Variants in SLC5A4 observed in about 807,000 individuals in gnomAD.
The protein encoded by SLC5A4 is probable glucose sensor protein SLC5A4.
A neutral mutation model predicts 70.3 loss-of-function variants in SLC5A4; 55 were observed. The observed-to-expected ratio is 0.78, with a 90% CI of 0.63 to 0.98. SLC5A4 has a LOEUF of 0.98. Among genes scored for constraint, SLC5A4 ranks in the 50% least tolerant of loss-of-function variants. SLC5A4 has a pLI of 0.00. For missense variants in SLC5A4, 735 were observed against 839.2 expected (o/e 0.88, Z 1.53); for synonymous variants, 268 against 305.7 (o/e 0.88, Z 1.29).
At chr22:32,272,869 C>G in the SLC5A4 span, 2 of 510,852 alleles carry the variant, frequency 3.9e-6, no homozygotes, top group South Asian at 3.0e-5. Flanking sequence ...CTACTGGAGG[C>G]TGCTGATGCT....
chr22:32,308,562 C>G, the SLC5A4 span, among the ~76,000 whole-genome samples: 1 of 152,226 alleles, frequency 6.6e-6, no homozygotes, highest in Admixed American at 6.5e-5. Context: ...CATCTCCTGG[C>G]CAAAGAAGCC....
chr22:32,331,780 C>CA, the SLC5A4 span, among the ~76,000 whole-genome samples: 21 of 152,068 alleles, frequency 1.4e-4, no homozygotes, highest in African/African-American at 4.1e-4. Context: ...GGCCAGATCC[C>CA]ATGCCCCTCG....
chr22:32,269,844 A>G, the SLC5A4 span: 1 of 634,810 alleles, frequency 1.6e-6, no homozygotes, highest in East Asian at 3.9e-5. This position sits in a 1 kb window ranked among gnomAD's most constrained non-coding sequence, Gnocchi z 4.1. Context: ...TCAGATCTAC[A>G]TGCTGACCCT....
At chr22:32,321,915 C>T in the SLC5A4 span, among the ~76,000 whole-genome samples, 1 of 152,182 alleles carries the variant, frequency 6.6e-6, no homozygotes. Flanking sequence ...GCACATAAAA[C>T]GTTGGGTCAA....
At chr22:32,344,332 C>T in the SLC5A4 span, among the ~76,000 whole-genome samples, 1 of 152,172 alleles carries the variant, frequency 6.6e-6, no homozygotes. Flanking sequence ...TATAAGAATA[C>T]ATACGCACAT....
the SLC5A4 span, among the ~76,000 whole-genome samples, chr22:32,320,443 T>C: frequency 6.6e-6 from 1 of 152,282 alleles, no homozygotes; most frequent in South Asian, 2.1e-4. Context: ...CAGCAGAAGA[T>C]TAGGATCAGT....
chr22:32,279,076 A>G, the SLC5A4 span, among the ~76,000 whole-genome samples: 1 of 152,238 alleles, frequency 6.6e-6, no homozygotes, highest in Non-Finnish European at 1.5e-5. Flanking sequence ...GGAGATGGAG[A>G]CCATCCTGGC....
At chr22:32,335,831 T>C in the SLC5A4 span, among the ~76,000 whole-genome samples, 23,949 of 151,954 alleles carry the variant, frequency 0.16, 2,314 homozygotes, top group East Asian at 0.47. Flanking sequence ...CTGGGACCCC[T>C]TAGAAGCTAC....
chr22:32,345,381 G>A, the SLC5A4 span, among the ~76,000 whole-genome samples: 5 of 152,022 alleles, frequency 3.3e-5, no homozygotes, highest in Admixed American at 1.3e-4. Flanking sequence ...GTTAGTCAGT[G>A]AATAAAAAGC....
chr22:32,312,515 A>C, the SLC5A4 span, among the ~76,000 whole-genome samples: 1 of 152,154 alleles, frequency 6.6e-6, no homozygotes, highest in East Asian at 1.9e-4. Flanking sequence ...GGAATCAGCC[A>C]GAGTTGCTTT....
intron 3 of SLC5A4, among the ~76,000 whole-genome samples, chr22:32,250,413 G>C (rs986142908): frequency 6.6e-6 from 1 of 152,134 alleles, no homozygotes; most frequent in Admixed American, 6.5e-5. Flanking sequence ...CAGCTACATG[G>C]GAGGCTGTGG....
the SLC5A4 span, among the ~76,000 whole-genome samples, chr22:32,306,285 G>A: frequency 1.8e-3 from 272 of 150,456 alleles, no homozygotes; most frequent in African/African-American, 6.4e-3. Flanking sequence ...CTAACACGGT[G>A]AAACCCTATC....
At chr22:32,231,907 C>T (rs1009002381) in intron 9 of SLC5A4, among the ~76,000 whole-genome samples, 11 of 151,480 alleles carry the variant, frequency 7.3e-5, no homozygotes, top group African/African-American at 2.2e-4. Context: ...TTTTAAGAGA[C>T]GGGGTCTCTG....
chr22:32,314,289 T>C, the SLC5A4 span, among the ~76,000 whole-genome samples: 8 of 152,210 alleles, frequency 5.3e-5, no homozygotes, highest in Non-Finnish European at 1.2e-4. Flanking sequence ...CTTACTTGAA[T>C]AATTTATTGT....
chr22:32,318,227 G>A, the SLC5A4 span, among the ~76,000 whole-genome samples: 66,785 of 149,572 alleles, frequency 0.45, 14,987 homozygotes, highest in East Asian at 0.65. Flanking sequence ...AACAGCATAT[G>A]TTGATTTTTT....
chr22:32,354,204 A>G, the SLC5A4 span, among the ~76,000 whole-genome samples: 1 of 43,194 alleles, frequency 2.3e-5, no homozygotes, highest in East Asian at 5.9e-4. Flanking sequence ...CACCCCCTCT[A>G]CACGGGCAGT....
the SLC5A4 span, among the ~76,000 whole-genome samples, chr22:32,308,977 C>T: frequency 0.14 from 21,556 of 152,160 alleles, 1,748 homozygotes; most frequent in East Asian, 0.33. Context: ...CTCACTCTGT[C>T]GCCCAGACTA....
chr22:32,339,064 G>A, the SLC5A4 span, among the ~76,000 whole-genome samples: 2 of 152,110 alleles, frequency 1.3e-5, no homozygotes, highest in South Asian at 2.1e-4. Flanking sequence ...CCGCTGAAAT[G>A]GTATTTAGAA....
At chr22:32,337,923 A>C in the SLC5A4 span, among the ~76,000 whole-genome samples, 3 of 152,354 alleles carry the variant, frequency 2.0e-5, no homozygotes, top group East Asian at 5.8e-4. Context: ...TGTTCAATAC[A>C]ATGTATTTAA....
Sources: allele counts gnomAD v4.1 joint callset (sites outside exome capture counted in the v4.1 genomes callset), GRCh38; gene constraint gnomAD v4.1.1; non-coding constraint Gnocchi (gnomAD v3.1); transcripts MANE v1.5; gene names NCBI Gene and HGNC (gene_info 2026-07-23, HGNC 2026-07-21).